Variants in ARFGEF3 observed in about 807,000 individuals in gnomAD.
The protein encoded by ARFGEF3 is ARFGEF family member 3.
A neutral mutation model predicts 221.7 loss-of-function variants in ARFGEF3; 96 were observed. That is an observed-to-expected ratio of 0.43 (90% CI 0.37 to 0.51). The LOEUF (loss-of-function observed/expected upper bound fraction) is 0.51. Ranked by LOEUF, ARFGEF3 falls within the 20% of genes least tolerant of loss-of-function variation. The pLI, the probability that ARFGEF3 is intolerant of heterozygous loss-of-function variation, is 0.00. For missense variants in ARFGEF3, 2,410 were observed against 2,789.9 expected (o/e 0.86, Z 3.07); for synonymous variants, 1,145 against 1,126.8 (o/e 1.02, Z -0.32).
intron 22 of ARFGEF3, among the ~76,000 whole-genome samples, chr6:138,302,169 G>A (rs1257644694): frequency 6.6e-6 from 1 of 152,136 alleles, no homozygotes; most frequent in East Asian, 1.9e-4. Context: ...GGGAGCCAGA[G>A]CCTTCAAAGT....
Position 138,334,364 on chromosome 6 carries a change from G to C in ARFGEF3, c.5518G>C (p.Val1840Leu), listed in dbSNP as rs1037406088. The change falls in exon 33 of 34, where the codon GTC becomes CTC. Residue 1840 changes from valine (V) to leucine (L), a missense_variant. This residue lies in a region of ARFGEF3 where 723 missense variants were observed against 991.9 expected (regional missense o/e 0.73). Transcript: ENST00000251691. The surrounding 1 kb of genome is among the most constrained non-coding windows in gnomAD (Gnocchi z 5.1). The part of the protein sequence containing the change: ...ETITAEQVKK[V>L]LFEDDERSTD... Reference sequence around the variant, plus strand: ...CATCACGGCCGAGCAAGTGAAGAAGGTCCTTTTTGAGGACGACGAGAGAAG... The same window carrying C: ...CATCACGGCCGAGCAAGTGAAGAAGCTCCTTTTTGAGGACGACGAGAGAAG... 4 of 1,613,658 alleles carry C rather than the reference G, an allele frequency of 2.5e-6. No homozygotes were observed. The Admixed American group carries it at 6.7e-5, about 27-fold the overall frequency.
At chr6:138,179,119 G>A (rs1057496484) in intron 2 of ARFGEF3, among the ~76,000 whole-genome samples, 1 of 152,192 alleles carries the variant, frequency 6.6e-6, no homozygotes, top group Non-Finnish European at 1.5e-5. Context: ...CCTCCAACAT[G>A]AATTTGACTT....
intron 2 of ARFGEF3, among the ~76,000 whole-genome samples, chr6:138,182,702 T>C (rs565364831): frequency 2.0e-5 from 3 of 152,194 alleles, no homozygotes; most frequent in Non-Finnish European, 4.4e-5. Flanking sequence ...ATTATGTAAT[T>C]AAATAACTAA....
rs1198055234 is a variant in ARFGEF3 at position 138,334,190 on chromosome 6, A to C, written c.5344A>C (p.Arg1782=). 1 of 1,613,782 alleles carries C rather than the reference A, an allele frequency of 6.2e-7. No homozygotes were observed. Among genetic ancestry groups the C allele is most frequent in the Non-Finnish European group, 8.5e-7 (1 of 1,179,872 alleles). Residue 1782 remains arginine (R), a synonymous_variant, in exon 33 of 34, where the codon AGG becomes CGG. Transcript: ENST00000251691. The surrounding 1 kb of genome is among the most constrained non-coding windows in gnomAD (Gnocchi z 5.1). ...GCTGCTGGACTCTTATAGGACTGCC[A>C]GGGAGTTTGACACCAGCCCCGGGCT... ...DLLLDSYRTA[R]EFDTSPGLKC...
At chr6:138,222,694 G>A (rs949237294) in intron 4 of ARFGEF3, among the ~76,000 whole-genome samples, 2 of 152,164 alleles carry the variant, frequency 1.3e-5, no homozygotes, top group Non-Finnish European at 2.9e-5. Context: ...AAGAAAAAAG[G>A]TTTGTCTTTG....
Position 138,287,076 on chromosome 6 carries a change from G to T in ARFGEF3, c.2788G>T (p.Val930Phe), listed in dbSNP as rs772017748. The T allele has an allele frequency of 1.9e-6, 3 of 1,569,456 alleles. No homozygotes were observed. ...GTCATTGTGTGTCTCCTCTGAAGGC[G>T]TTGCTGCTAACTGCGCCTCAGCCCT... ...KAARLSCALGVAANCASALAQ... is the reference protein window; with the variant it reads ...KAARLSCALGFAANCASALAQ... Residue 930 changes from valine to phenylalanine, a missense_variant and splice_region_variant, in exon 17 of 34, where the codon GTT becomes TTT. Physicochemically the swap from Val to Phe is conservative, Grantham distance 50. Transcript: ENST00000251691.
rs746531272 is a variant in ARFGEF3 at position 138,319,848 on chromosome 6, G to A, written c.4620G>A (p.Val1540=). The change falls in exon 28 of 34, where the codon GTG becomes GTA. Residue 1540 remains valine (V), a synonymous_variant. Coordinates refer to ENST00000251691, the MANE Select transcript of ARFGEF3 (RefSeq NM_020340.5). ...CTATTGGTCTGTCCTGTGAGCTGGT[G>A]GTGGAGCACATTCAAAGCTTTCTAC... ...KHAIGLSCEL[V]VEHIQSFLHS... is the part of the protein sequence containing the mutation. The A allele has an allele frequency of 1.2e-6, 2 of 1,613,872 alleles. No homozygotes were observed. The highest frequency in any genetic ancestry group is 8.5e-7 in the Non-Finnish European group (1 of 1,179,894).
intron 9 of ARFGEF3, among the ~76,000 whole-genome samples, chr6:138,254,434 TTAAA>T (rs1444179866): frequency 1.4e-5 from 2 of 146,456 alleles, no homozygotes; most frequent in Non-Finnish European, 3.0e-5. Context: ...AAAAAAAAAA[TTAAA>T]TAATAATAAT....
At chr6:138,317,868 G>GA (rs1779954114) in intron 27 of ARFGEF3, among the ~76,000 whole-genome samples, 1 of 152,116 alleles carries the variant, frequency 6.6e-6, no homozygotes, top group Admixed American at 6.5e-5. Context: ...ATTAGATTTG[G>GA]AAAAAGACAT....
intron 2 of ARFGEF3, among the ~76,000 whole-genome samples, chr6:138,203,611 A>G (rs745834782): frequency 9.7e-4 from 147 of 152,038 alleles, no homozygotes; most frequent in Non-Finnish European, 1.7e-3. Flanking sequence ...TCCAGATGAA[A>G]TCTTTGTCTA....
At chr6:138,176,555 G>A (rs374007184) in intron 2 of ARFGEF3, among the ~76,000 whole-genome samples, 3 of 152,136 alleles carry the variant, frequency 2.0e-5, no homozygotes, top group East Asian at 3.9e-4. Context: ...TTACATTCAA[G>A]GTTAATATTG....
chr6:138,192,721 G>T (rs1777331664), intron 2 of ARFGEF3, among the ~76,000 whole-genome samples: 1 of 152,200 alleles, frequency 6.6e-6, no homozygotes, highest in African/African-American at 2.4e-5. Flanking sequence ...TAAATGTTAG[G>T]CTGGCCCTGG....
At chr6:138,287,212 T>C (rs1486464165) in intron 17 of ARFGEF3, 28 bp downstream of exon 17, 23 of 1,527,716 alleles carry the variant, frequency 1.5e-5, no homozygotes, top group Non-Finnish European at 2.0e-5. Flanking sequence ...AGAACCCACC[T>C]GGTGCCTTGG....
rs9495004 is a variant in ARFGEF3 at position 138,292,593 on chromosome 6, G to T, written c.3368+540G>T. On this transcript the variant is annotated intron_variant, in intron 19 of 33. Transcript: ENST00000251691. ...CTTCCTGAGGTTGAAAGTGCTTTTG[G>T]TCACCAATCACACACAGTTCCACCT... is the stretch of plus-strand genomic sequence containing the variant. Among the ~76,000 whole-genome samples the T allele has an allele frequency of 9.1e-3, 1,390 of 152,254 alleles. 16 individuals are homozygous for T. The highest frequency in any genetic ancestry group is 0.031 in the African/African-American group (1,308 of 41,530).
intron 14 of ARFGEF3, among the ~76,000 whole-genome samples, chr6:138,283,222 C>G (rs553259897): frequency 2.6e-5 from 4 of 152,244 alleles, no homozygotes; most frequent in African/African-American, 9.6e-5. Flanking sequence ...GGACCCTAAA[C>G]ATTCCAGCTT....
chr6:138,204,871 A>G (rs1468104813), intron 2 of ARFGEF3, among the ~76,000 whole-genome samples: 1 of 152,186 alleles, frequency 6.6e-6, no homozygotes, highest in South Asian at 2.1e-4. Flanking sequence ...GCCAAAACCT[A>G]GTTGAACCAC....
intron 4 of ARFGEF3, among the ~76,000 whole-genome samples, chr6:138,215,034 A>G (rs1777813003): frequency 6.6e-6 from 1 of 152,240 alleles, no homozygotes; most frequent in Non-Finnish European, 1.5e-5. Flanking sequence ...TTAGTAGACT[A>G]TTGAATATTT....
At chr6:138,274,795 C>A (rs1274648032) in intron 12 of ARFGEF3, among the ~76,000 whole-genome samples, 72 of 111,454 alleles carry the variant, frequency 6.5e-4, no homozygotes, top group Admixed American at 8.6e-4. Flanking sequence ...AACTCCGTCT[C>A]AAAAAAAAAA....
rs116455366 is a variant in ARFGEF3, at chr6:138,215,350, T to G, written c.351+5309T>G. Among the ~76,000 whole-genome samples the G allele has an allele frequency of 5.1e-3, 771 of 152,340 alleles. 4 individuals carry two copies. The highest frequency in any genetic ancestry group is 0.017 in the African/African-American group (720 of 41,566). On this transcript the variant is annotated intron_variant, in intron 4 of 33. Coordinates refer to ENST00000251691, the MANE Select transcript of ARFGEF3 (RefSeq NM_020340.5). ...GCTTTGGCGATAAGGAAGGAGATGA[T>G]GCTGGACACTGAGAGAGCATTTGAT...
Sources: allele counts gnomAD v4.1 joint callset (sites outside exome capture counted in the v4.1 genomes callset), GRCh38; gene constraint gnomAD v4.1.1; regional missense constraint gnomAD v4.1.1; non-coding constraint Gnocchi (gnomAD v3.1); transcripts MANE v1.5; gene names NCBI Gene and HGNC (gene_info 2026-07-23, HGNC 2026-07-21).